FER: variants seen among roughly 807,000 people sequenced by gnomAD.
The protein encoded by FER is FER tyrosine kinase.
In FER, 63 loss-of-function variants were observed where a neutral mutation model predicts 111.0. The ratio of observed to expected loss-of-function variants is 0.57; its 90% CI spans 0.46 to 0.70. FER has a LOEUF of 0.70. FER is among the 30% of genes least tolerant of loss of function. The probability of loss-of-function intolerance (pLI) is 0.00; values close to 1 mark genes in which losing one functional copy is unlikely to be tolerated. For synonymous variants in FER, 327 were observed against 313.9 expected (o/e 1.04, Z -0.44); for missense variants, 914 against 954.0 (o/e 0.96, Z 0.55).
At chr5:108,750,424 T>G (rs1466662043) in intron 1 of FER, among the ~76,000 whole-genome samples, 1 of 152,222 alleles carries the variant, frequency 6.6e-6, no homozygotes, top group Non-Finnish European at 1.5e-5. Context: ...GCTTTTCTGC[T>G]AGTACTTTTG....
Position 109,063,332 on chromosome 5 carries a change from C to T in FER, c.1924+16134C>T, listed in dbSNP as rs11956226. Among the ~76,000 whole-genome samples, 1,481 of 152,262 alleles carry T rather than the reference C, an allele frequency of 9.7e-3. 19 individuals carry two copies. The highest frequency in any genetic ancestry group is 0.034 in the African/African-American group (1,412 of 41,550). Reference sequence around the variant, plus strand: ...AGTCAGTTTCAGTTATGTGACTTCACAGCTCTGGAAGGTTACTATGGTAGT... The same window carrying T: ...AGTCAGTTTCAGTTATGTGACTTCATAGCTCTGGAAGGTTACTATGGTAGT... On this transcript the variant is annotated intron_variant, in intron 16 of 19. Coordinates refer to ENST00000281092, the MANE Select transcript of FER (RefSeq NM_005246.4).
chr5:109,095,574 C>G (rs1490664361), intron 16 of FER, among the ~76,000 whole-genome samples: 1 of 152,038 alleles, frequency 6.6e-6, no homozygotes, highest in Non-Finnish European at 1.5e-5. Context: ...TCTTCAGGAA[C>G]TTGTTTGGGT....
chr5:108,982,042 A>T (rs1456838854), intron 13 of FER, among the ~76,000 whole-genome samples: 1 of 152,092 alleles, frequency 6.6e-6, no homozygotes, highest in African/African-American at 2.4e-5. Context: ...CTTAGACCAG[A>T]GGTTTTGAAA....
chr5:108,952,751 GA>G (rs1256044512), intron 11 of FER, among the ~76,000 whole-genome samples: 12 of 151,928 alleles, frequency 7.9e-5, no homozygotes, highest in Non-Finnish European at 1.8e-4. Flanking sequence ...AAATTTCTTG[GA>G]ATGCTGGCTG....
rs755171898 is a variant in FER at position 109,180,909 on chromosome 5, T to G, written c.2203+8T>G. 1.9e-6 allele frequency: 3 copies of G among 1,571,626 alleles called. No homozygotes were observed. The highest frequency in any genetic ancestry group is 1.4e-5 in the African/African-American group (1 of 72,142). On this transcript the variant is annotated splice_region_variant and intron_variant, in intron 18 of 19. Transcript: ENST00000281092. Reference sequence around the variant, plus strand: ...CGGAAGCTCTTAATTATGGTAAGAATAGACCACATTTTTTTTTTAATGGTA... The same window carrying G: ...CGGAAGCTCTTAATTATGGTAAGAAGAGACCACATTTTTTTTTTAATGGTA...
chr5:109,112,429 G>A (rs1749740333), intron 17 of FER, among the ~76,000 whole-genome samples: 1 of 152,094 alleles, frequency 6.6e-6, no homozygotes, highest in South Asian at 2.1e-4. Context: ...GGGACCCTGT[G>A]TCAACTATAA....
At chr5:109,117,719 T>G (rs935724809) in intron 17 of FER, among the ~76,000 whole-genome samples, 21 of 151,736 alleles carry the variant, frequency 1.4e-4, no homozygotes, top group African/African-American at 5.1e-4. Context: ...GAAGAGGTCC[T>G]TCACATCCCT....
chr5:108,877,234 G>A (rs1409208314), intron 8 of FER, among the ~76,000 whole-genome samples: 1 of 152,120 alleles, frequency 6.6e-6, no homozygotes, highest in Admixed American at 6.6e-5. Flanking sequence ...TTGGTCTCTG[G>A]TTGAACATAT....
At chr5:108,959,636 G>C (rs1441202303) in intron 13 of FER, among the ~76,000 whole-genome samples, 5 of 151,626 alleles carry the variant, frequency 3.3e-5, no homozygotes, top group Non-Finnish European at 1.5e-5. Context: ...ACTTTATAAG[G>C]TTCATACTTT....
intron 10 of FER, among the ~76,000 whole-genome samples, chr5:108,941,292 A>C (rs1040218537): frequency 2.0e-5 from 3 of 152,210 alleles, no homozygotes; most frequent in Admixed American, 6.6e-5. Flanking sequence ...CTGTCAAAAA[A>C]AGGAGTGGGT....
rs1759642671 is a variant in FER at position 109,195,053 on chromosome 5, A to C, written c.*7478A>C. Reference sequence around the variant, plus strand: ...CTCATTGGTCCGTGCTTTTATTTTTAAACCCAAAAGAAAGAAAGAAACACA... The same window carrying C: ...CTCATTGGTCCGTGCTTTTATTTTTCAACCCAAAAGAAAGAAAGAAACACA... On this transcript the variant is annotated 3_prime_UTR_variant, in exon 20 of 20. Coordinates refer to ENST00000281092, the MANE Select transcript of FER (RefSeq NM_005246.4). 6.6e-6 allele frequency: 1 copy of C among 152,128 alleles called. No homozygotes were observed. The allele number at this position is 152,128 out of a possible 1,614,324, so 9.4% of individuals were successfully genotyped here.
chr5:109,116,554 G>A (rs888746059), intron 17 of FER, among the ~76,000 whole-genome samples: 17 of 151,998 alleles, frequency 1.1e-4, no homozygotes, highest in Non-Finnish European at 2.1e-4. Context: ...CAGTTCTAAA[G>A]CCCACCTGGT....
At chr5:108,768,668 T>C (rs1219909129) in intron 2 of FER, among the ~76,000 whole-genome samples, 1 of 152,216 alleles carries the variant, frequency 6.6e-6, no homozygotes, top group African/African-American at 2.4e-5. Context: ...ATTAATTCAT[T>C]TGAGGTACAT....
At chr5:108,839,738 T>C (rs1311884547) in intron 5 of FER, among the ~76,000 whole-genome samples, 2 of 151,886 alleles carry the variant, frequency 1.3e-5, no homozygotes, top group African/African-American at 2.4e-5. Flanking sequence ...CCATCACGCC[T>C]GGCTAATTTT....
intron 13 of FER, among the ~76,000 whole-genome samples, chr5:109,015,232 G>T (rs774877914): frequency 1.3e-5 from 2 of 151,958 alleles, no homozygotes; most frequent in African/African-American, 4.8e-5. Flanking sequence ...CAGTAGTGTC[G>T]TTCCATTTTG....
At chr5:108,807,046 C>T (rs978369819) in intron 3 of FER, among the ~76,000 whole-genome samples, 7 of 152,198 alleles carry the variant, frequency 4.6e-5, no homozygotes, top group Non-Finnish European at 7.4e-5. Context: ...GGAGGAACCC[C>T]GTGGGAGGTG....
chr5:108,785,700 G>A (rs185170819), intron 2 of FER: 229 of 326,406 alleles, frequency 7.0e-4, no homozygotes, highest in African/African-American at 4.3e-3. Flanking sequence ...TGCTGGTGGT[G>A]TCTGGCTTCC....
chr5:108,792,804 C>A (rs6894386), intron 2 of FER, among the ~76,000 whole-genome samples: 1 of 149,868 alleles, frequency 6.7e-6, no homozygotes, highest in Non-Finnish European at 1.5e-5. Context: ...ATTTATTTTT[C>A]TATATTGTAT....
intron 17 of FER, among the ~76,000 whole-genome samples, chr5:109,172,880 T>G (rs903037980): frequency 4.6e-5 from 7 of 152,204 alleles, no homozygotes; most frequent in Admixed American, 6.5e-5. Context: ...TATATCTGAC[T>G]ATACAAATTT....
Sources: gnomAD v4.1 joint callset for allele counts (sites outside exome capture counted in the v4.1 genomes callset) on GRCh38, gnomAD v4.1.1 for gene constraint, MANE v1.5 for transcripts, NCBI Gene and HGNC (gene_info 2026-07-23, HGNC 2026-07-21) for gene names.